Variants in CCDC171 observed in about 807,000 individuals in gnomAD.
CCDC171 encodes coiled-coil domain containing 171.
A neutral mutation model predicts 168.2 loss-of-function variants in CCDC171; 177 were observed. That is an observed-to-expected ratio of 1.05 (90% CI 0.93 to 1.19). CCDC171 has a LOEUF of 1.19. Ranked by LOEUF, CCDC171 falls within the 50% of genes most tolerant of loss-of-function variation. The pLI, the probability that CCDC171 is intolerant of heterozygous loss-of-function variation, is 0.00. For missense variants in CCDC171, 1,991 were observed against 1,539.0 expected, an observed-to-expected ratio of 1.29 and a Z score of -4.91; for synonymous variants, 687 against 540.8, an observed-to-expected ratio of 1.27 and a Z score of -3.75.
At chr9:15,677,898 ATATATATATATATATATATATATAT>A in intron 9 of CCDC171, among the ~76,000 whole-genome samples, 1 of 18,650 alleles carries the variant, frequency 5.4e-5, no homozygotes, top group African/African-American at 2.4e-4. Flanking sequence ...ATATATATAT[ATATATATATATATATATATATATAT>A]ATAAGAGATG....
At chr9:15,743,775 T>C (rs1298073004) in intron 16 of CCDC171, among the ~76,000 whole-genome samples, 3 of 152,210 alleles carry the variant, frequency 2.0e-5, no homozygotes, top group Non-Finnish European at 4.4e-5. Context: ...TGCCTTCTCA[T>C]GCAGTAAATG....
intron 6 of CCDC171, among the ~76,000 whole-genome samples, chr9:16,029,430 T>G (rs1489831942): frequency 6.6e-6 from 1 of 152,184 alleles, no homozygotes; most frequent in East Asian, 1.9e-4. Context: ...TCTGATAAAT[T>G]GGTGATGCTT....
chr9:15,938,465 A>G (rs542592309), intron 25 of CCDC171, among the ~76,000 whole-genome samples: 8 of 151,962 alleles, frequency 5.3e-5, no homozygotes, highest in Non-Finnish European at 1.0e-4. Flanking sequence ...TTAAAAAATG[A>G]CTGTATATAA....
At chr9:15,678,999 A>G (rs2049847126) in intron 10 of CCDC171, 103 bp downstream of exon 10, 1 of 778,794 alleles carries the variant, frequency 1.3e-6, no homozygotes, top group Middle Eastern at 3.1e-4. Flanking sequence ...ATAGTATGCA[A>G]GTTATTTTAG....
chr9:16,003,456 G>T (rs1489802098), intron 3 of CCDC171, among the ~76,000 whole-genome samples: 2 of 152,150 alleles, frequency 1.3e-5, no homozygotes, highest in African/African-American at 2.4e-5. Flanking sequence ...ACAGCAAAAA[G>T]GGATGGGAAA....
At chr9:15,610,594 C>G (rs1312939551) in intron 6 of CCDC171, among the ~76,000 whole-genome samples, 1 of 151,080 alleles carries the variant, frequency 6.6e-6, no homozygotes, top group African/African-American at 2.4e-5. Flanking sequence ...TGCCATTACA[C>G]TCCAGCCTGG....
chr9:15,783,822 A>G (rs929514209), intron 20 of CCDC171, among the ~76,000 whole-genome samples: 1 of 150,600 alleles, frequency 6.6e-6, no homozygotes, highest in Non-Finnish European at 1.5e-5. Flanking sequence ...TTGTTGGCAG[A>G]TGTGTATATA....
chr9:15,727,801 G>A, intron 14 of CCDC171, 68 bp from the exon 15 acceptor site: 2 of 1,211,830 alleles, frequency 1.7e-6, no homozygotes, highest in South Asian at 1.7e-5. Flanking sequence ...TTCACCATTA[G>A]TATTATGTAT....
chr9:15,575,157 CTTTTTTTTTTTTTT>C (rs57272096), intron 3 of CCDC171, among the ~76,000 whole-genome samples: 11 of 86,874 alleles, frequency 1.3e-4, no homozygotes, highest in Non-Finnish European at 1.9e-4. Context: ...GACATAACTA[CTTTTTTTTTTTTTT>C]TTTTTTTTTT....
chr9:15,580,549 C>G (rs1256957338), intron 4 of CCDC171, among the ~76,000 whole-genome samples: 3 of 151,890 alleles, frequency 2.0e-5, no homozygotes, highest in Non-Finnish European at 2.9e-5. Context: ...AACAAATAAT[C>G]CCATCAAAAA....
Position 15,820,200 on chromosome 9 carries a change from G to A in CCDC171, c.3268-26502G>A, listed in dbSNP as rs188135685. Among the ~76,000 whole-genome samples, 836 of 103,220 alleles carry A rather than the reference G, an allele frequency of 8.1e-3. 243 individuals carry two copies. The highest frequency in any genetic ancestry group is 0.025 in the African/African-American group (755 of 30,186). 67.7% of individuals were successfully genotyped at this position (103,220 alleles called of 152,430 possible). A position where few individuals can be genotyped will look rare whatever the true frequency, so the allele number is the denominator to read the frequency against. Reference sequence around the variant, plus strand: ...GGACACATTCAAAGCAGTGTGTAGAGGGAAATTTTTAGCACTAAATGCCCA... The same window carrying A: ...GGACACATTCAAAGCAGTGTGTAGAAGGAAATTTTTAGCACTAAATGCCCA... On this transcript the variant is annotated intron_variant, in intron 21 of 25. Transcript: ENST00000380701.
chr9:15,648,032 C>T (rs1238715072), intron 7 of CCDC171, among the ~76,000 whole-genome samples: 4 of 152,116 alleles, frequency 2.6e-5, no homozygotes, highest in African/African-American at 9.7e-5. Flanking sequence ...AGCAGCACAT[C>T]GAAAAGCTTA....
At chr9:15,719,504 T>G (rs1388400087) in intron 11 of CCDC171, among the ~76,000 whole-genome samples, 1 of 151,574 alleles carries the variant, frequency 6.6e-6, no homozygotes, top group African/African-American at 2.4e-5. Flanking sequence ...AAATATATCA[T>G]TATTCAAGTA....
At chr9:15,623,164 T>C (rs1249114039) in intron 6 of CCDC171, 103 bp from the exon 7 acceptor site, 1 of 708,834 alleles carries the variant, frequency 1.4e-6, no homozygotes, top group Admixed American at 2.9e-5. Context: ...CCTATTATTA[T>C]AGTTGAAGCA....
chr9:16,030,150 T>C (rs1230313482), intron 6 of CCDC171, among the ~76,000 whole-genome samples: 1 of 152,210 alleles, frequency 6.6e-6, no homozygotes, highest in East Asian at 1.9e-4. Context: ...CCGCCTTTAA[T>C]ACCATCACCT....
intron 24 of CCDC171, among the ~76,000 whole-genome samples, chr9:15,914,607 C>A (rs3008693): frequency 0.75 from 113,482 of 151,886 alleles, 43,993 homozygotes; most frequent in East Asian, 0.86. Flanking sequence ...CTCTTCTGAG[C>A]AAGACCACTT....
intron 21 of CCDC171, among the ~76,000 whole-genome samples, chr9:15,810,844 G>A (rs1470226796): frequency 6.6e-6 from 1 of 152,230 alleles, no homozygotes; most frequent in Non-Finnish European, 1.5e-5. Flanking sequence ...CCAGAGAGGG[G>A]CTCCCACAGT....
chr9:15,648,593 A>T (rs1008346027), intron 7 of CCDC171, among the ~76,000 whole-genome samples: 5 of 152,224 alleles, frequency 3.3e-5, no homozygotes, highest in African/African-American at 1.2e-4. Flanking sequence ...AAGCATTCTT[A>T]TACACCAATA....
chr9:15,553,489 G>A (rs2038506682), intron 1 of CCDC171, 187 bp downstream of exon 1: 2 of 152,438 alleles, frequency 1.3e-5, no homozygotes, highest in Non-Finnish European at 2.9e-5. Flanking sequence ...GAGCATCCTA[G>A]CCAGAGATCG....
Sources: allele counts gnomAD v4.1 joint callset (sites outside exome capture counted in the v4.1 genomes callset), GRCh38; gene constraint gnomAD v4.1.1; transcripts MANE v1.5; gene names NCBI Gene and HGNC (gene_info 2026-07-23, HGNC 2026-07-21).